GPR39: variants seen among roughly 807,000 people sequenced by gnomAD.
GPR39 encodes G protein-coupled receptor 39, also known as zinc sensing receptor.
A neutral mutation model predicts 18.4 loss-of-function variants in GPR39; 23 were observed. That is an observed-to-expected ratio of 1.25 (90% CI 0.90 to 1.77). The LOEUF is 1.77. GPR39 is among the 40% of genes most tolerant of loss of function. The probability of loss-of-function intolerance (pLI) is 0.00; values close to 1 mark genes in which losing one functional copy is unlikely to be tolerated. For synonymous variants in GPR39, 280 were observed against 257.9 expected (o/e 1.09, Z -0.82); for missense variants, 647 against 602.4 (o/e 1.07, Z -0.78).
intron 1 of GPR39, among the ~76,000 whole-genome samples, chr2:132,532,297 G>A (rs533878901): frequency 3.3e-5 from 5 of 152,304 alleles, no homozygotes; most frequent in Admixed American, 1.3e-4. Flanking sequence ...AAACCAGGAA[G>A]AAGTTGAATC....
At chr2:132,494,382 C>T (rs532320282) in intron 1 of GPR39, among the ~76,000 whole-genome samples, 12 of 152,158 alleles carry the variant, frequency 7.9e-5, no homozygotes, top group Non-Finnish European at 1.3e-4. Context: ...TCCATGAAGG[C>T]AGGCATCTTT....
chr2:132,547,491 A>C (rs1333564094), intron 1 of GPR39, among the ~76,000 whole-genome samples: 2 of 152,176 alleles, frequency 1.3e-5, no homozygotes, highest in Non-Finnish European at 2.9e-5. Context: ...ATAAATGTTT[A>C]GGTCTGATGG....
intron 1 of GPR39, among the ~76,000 whole-genome samples, chr2:132,606,564 C>T (rs1171483292): frequency 2.0e-5 from 3 of 152,214 alleles, no homozygotes; most frequent in Non-Finnish European, 4.4e-5. Context: ...TATTTACAAG[C>T]CCAAGTGGGT....
At chr2:132,553,014 C>T (rs983902399) in intron 1 of GPR39, among the ~76,000 whole-genome samples, 4 of 151,458 alleles carry the variant, frequency 2.6e-5, no homozygotes, top group East Asian at 1.9e-4. Flanking sequence ...CAACCTCCAC[C>T]TCCCAGGTTC....
intron 1 of GPR39, among the ~76,000 whole-genome samples, chr2:132,509,516 A>G (rs1679201069): frequency 6.6e-6 from 1 of 152,186 alleles, no homozygotes; most frequent in South Asian, 2.1e-4. Context: ...AGCTATGAAT[A>G]CATTCAGACA....
chr2:132,447,064 G>T (rs1420107185), intron 1 of GPR39, among the ~76,000 whole-genome samples: 2 of 152,188 alleles, frequency 1.3e-5, no homozygotes, highest in African/African-American at 4.8e-5. Flanking sequence ...GCTGAATTTT[G>T]CACCTTTGGT....
At chr2:132,448,049 C>T (rs1680570224) in intron 1 of GPR39, among the ~76,000 whole-genome samples, 1 of 152,128 alleles carries the variant, frequency 6.6e-6, no homozygotes, top group African/African-American at 2.4e-5. Context: ...GGGTAAGGAT[C>T]ATGATAGAAA....
At chr2:132,427,142 A>ATG (rs1352473478) in intron 1 of GPR39, among the ~76,000 whole-genome samples, 11 of 92,690 alleles carry the variant, frequency 1.2e-4, no homozygotes, top group Admixed American at 3.2e-4. Context: ...ATATATATAT[A>ATG]TATATATATA....
At chr2:132,569,593 T>A (rs981835323) in intron 1 of GPR39, among the ~76,000 whole-genome samples, 1 of 144,030 alleles carries the variant, frequency 6.9e-6, no homozygotes, top group African/African-American at 2.6e-5. Flanking sequence ...CAGTGTCACC[T>A]AGATCCAGAG....
rs371504992 is a variant in GPR39 at position 132,609,328 on chromosome 2, C to T, written c.857-35773C>T. On this transcript the variant is annotated intron_variant, in intron 1 of 1. Coordinates refer to ENST00000329321, the MANE Select transcript of GPR39 (RefSeq NM_001508.3). ...GGGACTATTTACTTAGCACTTGCTC[C>T]GTGCCAGGTATTGTGCTGTGTGTGT... Among the ~76,000 whole-genome samples the T allele has an allele frequency of 3.9e-5, 6 of 152,160 alleles. No individual in the cohort carries two copies. The East Asian group carries it at 1.2e-3, about 29-fold the overall frequency.
rs374402438 is a variant in GPR39, at chr2:132,641,605, A to G, written c.857-3496A>G. On this transcript the variant is annotated intron_variant, in intron 1 of 1. Coordinates refer to ENST00000329321, the MANE Select transcript of GPR39 (RefSeq NM_001508.3). ...ATGACTTAGTATTAAAAAATGTAAG[A>G]CATTTCATCAATAATTTTTATATTG... 3.4e-4 allele frequency among the ~76,000 whole-genome samples: 52 copies of G among 152,308 alleles called. 2 individuals are homozygous for G. The East Asian group carries it at 3.5e-3, about 10-fold the overall frequency.
At chr2:132,642,319 G>A (rs752986337) in intron 1 of GPR39, among the ~76,000 whole-genome samples, 1 of 152,150 alleles carries the variant, frequency 6.6e-6, no homozygotes, top group African/African-American at 2.4e-5. Context: ...GTGACTCTGA[G>A]TTGGTTTTCT....
At chr2:132,483,403 G>C (rs1306144082) in intron 1 of GPR39, among the ~76,000 whole-genome samples, 1 of 152,248 alleles carries the variant, frequency 6.6e-6, no homozygotes, top group Non-Finnish European at 1.5e-5. Flanking sequence ...TGGGTGCATG[G>C]CACGAATGTT....
At chr2:132,614,170 T>C (rs1681286269) in intron 1 of GPR39, among the ~76,000 whole-genome samples, 1 of 145,446 alleles carries the variant, frequency 6.9e-6, no homozygotes. Context: ...CTTGAGGAAC[T>C]TGCTTGCTTT....
chr2:132,527,664 T>G (rs1354921267), intron 1 of GPR39, among the ~76,000 whole-genome samples: 2 of 152,230 alleles, frequency 1.3e-5, no homozygotes, highest in African/African-American at 4.8e-5. Flanking sequence ...CTCATTGTGG[T>G]TTTGATTTGC....
chr2:132,615,876 A>G (rs1395221327), intron 1 of GPR39, among the ~76,000 whole-genome samples: 1 of 151,654 alleles, frequency 6.6e-6, no homozygotes, highest in East Asian at 1.9e-4. Flanking sequence ...GACACAGGGA[A>G]CAAGTGTGTC....
chr2:132,493,029 TAC>T (rs1391379143), intron 1 of GPR39, among the ~76,000 whole-genome samples: 1 of 130,076 alleles, frequency 7.7e-6, no homozygotes, highest in Non-Finnish European at 1.5e-5. Flanking sequence ...ACTATATATA[TAC>T]CATATATATA....
At chr2:132,532,047 C>A (rs1226068860) in intron 1 of GPR39, among the ~76,000 whole-genome samples, 1 of 152,082 alleles carries the variant, frequency 6.6e-6, no homozygotes, top group Non-Finnish European at 1.5e-5. Flanking sequence ...TTCAAAAAAT[C>A]AATGAATCCA....
intron 1 of GPR39, among the ~76,000 whole-genome samples, chr2:132,564,849 C>T (rs3109147): frequency 0.24 from 28,631 of 118,354 alleles, 3,313 homozygotes; most frequent in Middle Eastern, 0.37. Context: ...CAGAGTCTCG[C>T]TCTATTGCCC....
Sources: allele counts gnomAD v4.1 joint callset (sites outside exome capture counted in the v4.1 genomes callset), GRCh38; gene constraint gnomAD v4.1.1; transcripts MANE v1.5; gene names NCBI Gene and HGNC (gene_info 2026-07-23, HGNC 2026-07-21).